GTF2A1L: variants seen among roughly 807,000 people sequenced by gnomAD.
The protein encoded by GTF2A1L is TFIIA-alpha and beta-like factor.
A neutral mutation model predicts 49.7 loss-of-function variants in GTF2A1L; 48 were observed. The observed-to-expected ratio is 0.97, with a 90% CI of 0.77 to 1.23. The LOEUF (loss-of-function observed/expected upper bound fraction) is 1.23, where lower values mean the gene tolerates loss of function less well. Among genes scored for constraint, GTF2A1L ranks in the 50% most tolerant of loss-of-function variants. GTF2A1L has a pLI of 0.00. For missense variants in GTF2A1L, 736 were observed against 564.8 expected, an observed-to-expected ratio of 1.30 and a Z score of -3.07; for synonymous variants, 246 against 193.5, an observed-to-expected ratio of 1.27 and a Z score of -2.25.
rs756298362 is a variant in GTF2A1L at position 48,673,575 on chromosome 2, G to A, written c.1329+1895G>A. Reference sequence around the variant, plus strand: ...GATGGGGTTTCACCGTGTTAGCCAGGATGGTCTGGATCTGACTTCGTGATC... The same window carrying A: ...GATGGGGTTTCACCGTGTTAGCCAGAATGGTCTGGATCTGACTTCGTGATC... On this transcript the variant is annotated intron_variant, in intron 8 of 8. Coordinates refer to ENST00000403751, the MANE Select transcript of GTF2A1L (RefSeq NM_006872.5). Among the ~76,000 whole-genome samples, 4 of 151,920 alleles carry A rather than the reference G, an allele frequency of 2.6e-5. No individual in the cohort carries two copies. In the South Asian group the frequency reaches 6.2e-4, roughly 24 times the overall value.
intron 5 of GTF2A1L, 58 bp downstream of exon 5, chr2:48,645,175 T>C (rs1677426569): frequency 6.8e-7 from 1 of 1,470,496 alleles, no homozygotes; most frequent in Non-Finnish European, 9.2e-7. Context: ...TTTTTGGACA[T>C]TAAGCTTCAT....
At chr2:48,647,167 G>T in intron 6 of GTF2A1L, 125 bp downstream of exon 6, 3 of 929,502 alleles carry the variant, frequency 3.2e-6, no homozygotes, top group South Asian at 2.9e-5. Context: ...TTCTTTAGAA[G>T]ATTATTTCTT....
At chr2:48,640,632 A>C (rs1414060044) in intron 3 of GTF2A1L, among the ~76,000 whole-genome samples, 1 of 152,144 alleles carries the variant, frequency 6.6e-6, no homozygotes, top group East Asian at 1.9e-4. Context: ...TAATCTGTAA[A>C]ATCTGTGACA....
At chr2:48,676,836 C>G (rs932651449) in intron 8 of GTF2A1L, among the ~76,000 whole-genome samples, 3 of 150,222 alleles carry the variant, frequency 2.0e-5, no homozygotes, top group Non-Finnish European at 4.4e-5. Flanking sequence ...TCTATATCAT[C>G]TATATCTATA....
intron 3 of GTF2A1L, among the ~76,000 whole-genome samples, chr2:48,623,885 G>C (rs546563735): frequency 6.6e-6 from 1 of 152,078 alleles, no homozygotes; most frequent in Non-Finnish European, 1.5e-5. Flanking sequence ...AGAAAGGTGC[G>C]AACACTGGGT....
chr2:48,678,966 T>A (rs1327914673), intron 8 of GTF2A1L, among the ~76,000 whole-genome samples: 2 of 152,040 alleles, frequency 1.3e-5, no homozygotes, highest in Non-Finnish European at 2.9e-5. Flanking sequence ...AAGTGTCACC[T>A]CAAATGACAG....
At chr2:48,645,250 A>G in intron 5 of GTF2A1L, 133 bp downstream of exon 5, 2 of 837,266 alleles carry the variant, frequency 2.4e-6, no homozygotes, top group Non-Finnish European at 3.5e-6. Context: ...TTTAAAAGTA[A>G]TGATAAATGG....
At position 48,629,236 on chromosome 2, in the gene GTF2A1L, G is replaced by A. The variant is rs548540441; in HGVS notation, c.247+7946G>A. Among the ~76,000 whole-genome samples the A allele has an allele frequency of 7.8e-5, 11 of 140,170 alleles. No individual in the cohort carries two copies. The East Asian group carries it at 7.9e-4, about 10-fold the overall frequency. The allele number at this position is 140,170 out of a possible 152,430, so 92.0% of individuals were successfully genotyped here. ...AGCCTGGGCAACAGAGCGAGACTCC[G>A]TCTCAAAAAAAAAAAAAGTGACTTT... On this transcript the variant is annotated intron_variant, in intron 3 of 8. Coordinates refer to ENST00000403751, the MANE Select transcript of GTF2A1L (RefSeq NM_006872.5).
chr2:48,657,151 C>T (rs1176749892), intron 6 of GTF2A1L, among the ~76,000 whole-genome samples: 1 of 152,090 alleles, frequency 6.6e-6, no homozygotes, highest in Non-Finnish European at 1.5e-5. Context: ...AGGTTTGTGA[C>T]ATAGGTATAT....
intron 5 of GTF2A1L, 85 bp from the exon 6 acceptor site, chr2:48,646,368 A>T: frequency 8.3e-7 from 1 of 1,199,504 alleles, no homozygotes; most frequent in Non-Finnish European, 1.1e-6. Context: ...GCCTTTGTGG[A>T]TGAGATTTTT....
intron 6 of GTF2A1L, among the ~76,000 whole-genome samples, chr2:48,663,117 T>C (rs762562954): frequency 6.6e-6 from 1 of 152,106 alleles, no homozygotes; most frequent in Non-Finnish European, 1.5e-5. Context: ...CCCTTGTAGA[T>C]AGATTAAAAT....
intron 8 of GTF2A1L, among the ~76,000 whole-genome samples, chr2:48,673,978 T>A (rs917710347): frequency 1.3e-5 from 2 of 152,172 alleles, no homozygotes; most frequent in African/African-American, 2.4e-5. Flanking sequence ...GCTTCTGCCA[T>A]TTTTTCAAAT....
chr2:48,649,332 G>C (rs1558739766), intron 6 of GTF2A1L, among the ~76,000 whole-genome samples: 1 of 152,086 alleles, frequency 6.6e-6, no homozygotes, highest in African/African-American at 2.4e-5. Flanking sequence ...CCTGGAATCT[G>C]TTCCTTCATC....
At chr2:48,626,777 C>T in intron 3 of GTF2A1L, among the ~76,000 whole-genome samples, 1 of 144,102 alleles carries the variant, frequency 6.9e-6, no homozygotes. Flanking sequence ...TTTCTCCATA[C>T]TGCCCAGGCT....
intron 1 of GTF2A1L, among the ~76,000 whole-genome samples, chr2:48,619,898 G>C (rs979529278): frequency 6.6e-6 from 1 of 152,196 alleles, no homozygotes; most frequent in Non-Finnish European, 1.5e-5. Flanking sequence ...GGTCTCTTCA[G>C]TATGCACACT....
At chr2:48,657,396 G>T (rs1678241979) in intron 6 of GTF2A1L, among the ~76,000 whole-genome samples, 1 of 152,086 alleles carries the variant, frequency 6.6e-6, no homozygotes, top group Non-Finnish European at 1.5e-5. Flanking sequence ...TAGGATGATG[G>T]CCTTCGGCAG....
chr2:48,638,298 C>A (rs1677014772), intron 3 of GTF2A1L, among the ~76,000 whole-genome samples: 1 of 152,178 alleles, frequency 6.6e-6, no homozygotes, highest in Non-Finnish European at 1.5e-5. Flanking sequence ...GGCCAATATT[C>A]CTGTTGAACA....
intron 6 of GTF2A1L, among the ~76,000 whole-genome samples, chr2:48,647,304 A>G (rs561312500): frequency 1.3e-5 from 2 of 152,304 alleles, no homozygotes; most frequent in African/African-American, 4.8e-5. Context: ...TACAACCAAG[A>G]AGATTCTTTC....
In GTF2A1L at chr2:48,617,951, G is replaced by A. The variant is rs943399681; in HGVS notation, c.21+56G>A. ...GAGCGCCCTGGGACTCCGGGTTCACGGCAGCCGAACCCTGCACCTTTTGTT... is the reference window on the plus strand; with the variant it reads ...GAGCGCCCTGGGACTCCGGGTTCACAGCAGCCGAACCCTGCACCTTTTGTT... On this transcript the variant is annotated intron_variant, in intron 1 of 8. Transcript: ENST00000403751. 7 of 1,521,904 alleles carry A rather than the reference G, an allele frequency of 4.6e-6. No individual in the cohort carries two copies. The Admixed American group carries it at 7.9e-5, about 17-fold the overall frequency. 94.3% of individuals were successfully genotyped at this position (1,521,904 alleles called of 1,614,324 possible).
Sources: allele counts gnomAD v4.1 joint callset (sites outside exome capture counted in the v4.1 genomes callset), GRCh38; gene constraint gnomAD v4.1.1; transcripts MANE v1.5; gene names NCBI Gene and HGNC (gene_info 2026-07-23, HGNC 2026-07-21).